The following DENND2B variants were observed in gnomAD, a reference collection of about 807,000 sequenced individuals.
DENND2B encodes DENN domain-containing protein 2B.
In DENND2B, 32 loss-of-function variants were observed where a neutral mutation model predicts 116.0. The observed-to-expected ratio is 0.28, with a 90% CI of 0.21 to 0.37. DENND2B has a LOEUF of 0.37. Ranked by LOEUF, DENND2B falls within the 10% of genes least tolerant of loss-of-function variation. DENND2B has a pLI of 1.00. For missense variants in DENND2B, 1,276 were observed against 1,477.7 expected, an observed-to-expected ratio of 0.86 and a Z score of 2.24; for synonymous variants, 588 against 583.9, an observed-to-expected ratio of 1.01 and a Z score of -0.10.
In DENND2B at chr11:8,696,557, G is replaced by C. The variant is rs767023929; in HGVS notation, c.3162C>G (p.Ala1054=). The C allele has an allele frequency of 6.2e-7, 1 of 1,614,086 alleles. No homozygotes were observed. The highest frequency in any genetic ancestry group is 8.5e-7 in the Non-Finnish European group (1 of 1,180,048). The change falls in exon 18 of 20, where the codon GCC becomes GCG. Residue 1054 remains alanine (A), a synonymous_variant. Transcript: ENST00000313726. ...FLTQSEKGER[A]FQREAFRKSV... ...ATTTGCGGAAGGCCTCTCGCTGAAA[G>C]GCCCTCTCTCCCTTCTCACTCTGTG...
intron 2 of DENND2B, among the ~76,000 whole-genome samples, chr11:8,735,071 A>G (rs1190670969): frequency 1.3e-5 from 2 of 152,002 alleles, no homozygotes; most frequent in East Asian, 3.9e-4. Flanking sequence ...GGCTATGGAA[A>G]GGTGGAGTCT....
chr11:8,894,715 A>G (rs368264728), intron 1 of DENND2B, among the ~76,000 whole-genome samples: 1 of 151,988 alleles, frequency 6.6e-6, no homozygotes, highest in Non-Finnish European at 1.5e-5. Flanking sequence ...TCTCACACCA[A>G]TTAGAATGGC....
intron 1 of DENND2B, among the ~76,000 whole-genome samples, chr11:8,759,804 A>G (rs983402014): frequency 6.6e-6 from 1 of 152,152 alleles, no homozygotes; most frequent in African/African-American, 2.4e-5. Context: ...CTCCTCATCC[A>G]TGGGCCCTGG....
chr11:8,695,588 T>C, intron 18 of DENND2B, 39 bp from the exon 19 acceptor site: 1 of 1,593,702 alleles, frequency 6.3e-7, no homozygotes, highest in Non-Finnish European at 8.6e-7. Context: ...AGAACAGTCA[T>C]TGGAGGAAGG....
exon 2 of DENND2B, chr11:8,871,073 C>G (rs567661451): frequency 2.4e-4 from 37 of 152,446 alleles, no homozygotes; most frequent in African/African-American, 8.9e-4. Context: ...CATCCGCGCC[C>G]CGGGCTGCGG....
At chr11:8,888,274 G>A (rs2063984883) in intron 1 of DENND2B, among the ~76,000 whole-genome samples, 1 of 152,042 alleles carries the variant, frequency 6.6e-6, no homozygotes. Context: ...AGCCAGGATG[G>A]GCAAAAAGGA....
chr11:8,719,530 C>T (rs2045762078), intron 4 of DENND2B, among the ~76,000 whole-genome samples: 1 of 152,222 alleles, frequency 6.6e-6, no homozygotes, highest in South Asian at 2.1e-4. Context: ...TGACTTGTCT[C>T]CATTCCAGAG....
chr11:8,807,095 G>A, intron 1 of DENND2B, among the ~76,000 whole-genome samples: 1 of 152,032 alleles, frequency 6.6e-6, no homozygotes, highest in East Asian at 1.9e-4. Flanking sequence ...GCCAAGCCAG[G>A]GCTCGGAAGG....
chr11:8,719,970 C>G (rs2045869193), intron 4 of DENND2B, among the ~76,000 whole-genome samples: 1 of 152,190 alleles, frequency 6.6e-6, no homozygotes, highest in Non-Finnish European at 1.5e-5. Flanking sequence ...GGTAGACTGT[C>G]CTGTCCATTT....
Position 8,729,944 on chromosome 11 carries a change from C to G in DENND2B, c.1340+6G>C. On this transcript the variant is annotated splice_donor_region_variant and intron_variant, in intron 3 of 19. Coordinates refer to ENST00000313726, the MANE Select transcript of DENND2B (RefSeq NM_213618.2). ...AGCTACAACACACCGGAGGGGCATG[C>G]ATTACCTGCTCTGGGACTTGCGGTG... The G allele has an allele frequency of 6.2e-7, 1 of 1,613,492 alleles. No homozygotes were observed. Among genetic ancestry groups the G allele is most frequent in the Non-Finnish European group, 8.5e-7 (1 of 1,179,666 alleles).
chr11:8,711,620 C>T (rs113637645), intron 9 of DENND2B, among the ~76,000 whole-genome samples: 5 of 152,098 alleles, frequency 3.3e-5, no homozygotes, highest in East Asian at 1.9e-4. Context: ...TTAATCCCAG[C>T]GCTTTGGGAG....
chr11:8,770,226 G>T (rs186251804), intron 1 of DENND2B, among the ~76,000 whole-genome samples: 1 of 152,186 alleles, frequency 6.6e-6, no homozygotes, highest in Non-Finnish European at 1.5e-5. Context: ...ACACTTTCAC[G>T]TATTATCTCA....
At chr11:8,783,483 A>G (rs960221793) in intron 1 of DENND2B, among the ~76,000 whole-genome samples, 3 of 152,370 alleles carry the variant, frequency 2.0e-5, no homozygotes, top group Admixed American at 6.5e-5. Flanking sequence ...GTTACAAAAT[A>G]TAAGTGAAAA....
intron 1 of DENND2B, among the ~76,000 whole-genome samples, chr11:8,773,375 C>T (rs2134198496): frequency 6.6e-6 from 1 of 152,276 alleles, no homozygotes; most frequent in African/African-American, 2.4e-5. Context: ...ACCCCAGAGA[C>T]GCTGCCTCTG....
intron 4 of DENND2B, among the ~76,000 whole-genome samples, chr11:8,817,937 T>C (rs951371239): frequency 6.6e-6 from 1 of 151,586 alleles, no homozygotes. Flanking sequence ...ATACCCTAGA[T>C]CCCCATGAAA....
intron 1 of DENND2B, chr11:8,768,753 G>C (rs1262405023): frequency 6.6e-6 from 1 of 152,558 alleles, no homozygotes; most frequent in Non-Finnish European, 1.5e-5. Flanking sequence ...GGACTAGTCA[G>C]CATGCTCACC....
At chr11:8,738,376 C>T (rs1207415086) in intron 2 of DENND2B, among the ~76,000 whole-genome samples, 1 of 152,172 alleles carries the variant, frequency 6.6e-6, no homozygotes, top group African/African-American at 2.4e-5. Flanking sequence ...TCTTCTTCCT[C>T]GTCCAGACCT....
chr11:8,699,810 G>A, intron 14 of DENND2B: 1 of 457,154 alleles, frequency 2.2e-6, no homozygotes, highest in Non-Finnish European at 4.4e-6. Flanking sequence ...AAGAACTTGT[G>A]GAAAACCTAA....
At position 8,799,576 on chromosome 11, in the gene DENND2B, T is replaced by TC. The variant is rs1207798988; in HGVS notation, c.-26+10940_-26+10941insG. ...TCCTTTTTCTCTTTTTTTTTTTTTT[T>TC]TTTTTTTAAGAGACAGTGTCTTGCT... On this transcript the variant is annotated intron_variant, in intron 1 of 19. Coordinates refer to ENST00000313726, the MANE Select transcript of DENND2B (RefSeq NM_213618.2). Among the ~76,000 whole-genome samples, 3 of 147,358 alleles carry TC rather than the reference T, an allele frequency of 2.0e-5. No individual in the cohort carries two copies. The East Asian group carries it at 5.8e-4, about 29-fold the overall frequency.
Sources: allele counts gnomAD v4.1 joint callset (sites outside exome capture counted in the v4.1 genomes callset), GRCh38; gene constraint gnomAD v4.1.1; transcripts MANE v1.5; gene names NCBI Gene and HGNC (gene_info 2026-07-23, HGNC 2026-07-21).